CSNK2A2IP: variants seen among roughly 807,000 people sequenced by gnomAD.
The protein encoded by CSNK2A2IP is casein kinase 2 subunit alpha' interacting protein, also known as casein kinase II subunit alpha'-interacting protein.
At chr3:88,427,717 G>C in the CSNK2A2IP span, among the ~76,000 whole-genome samples, 1 of 152,160 alleles carries the variant, frequency 6.6e-6, no homozygotes, top group Non-Finnish European at 1.5e-5. Flanking sequence ...TGGGTGCATG[G>C]AAGTCAAGAA....
the CSNK2A2IP span, among the ~76,000 whole-genome samples, chr3:88,357,864 C>A: frequency 1.6e-4 from 24 of 151,806 alleles, no homozygotes; most frequent in African/African-American, 5.8e-4. Context: ...AAGCGATCCT[C>A]CCACCTCAGC....
chr3:88,412,590 A>G, the CSNK2A2IP span, among the ~76,000 whole-genome samples: 1 of 152,084 alleles, frequency 6.6e-6, no homozygotes, highest in East Asian at 1.9e-4. Context: ...TAGTGGGAAT[A>G]GGAGCACAGT....
the CSNK2A2IP span, among the ~76,000 whole-genome samples, chr3:88,396,431 A>G: frequency 1.3e-5 from 2 of 152,182 alleles, no homozygotes; most frequent in African/African-American, 2.4e-5. Flanking sequence ...AAGGGATATA[A>G]TCAAGTAACT....
At chr3:88,416,010 C>T in the CSNK2A2IP span, among the ~76,000 whole-genome samples, 1 of 151,954 alleles carries the variant, frequency 6.6e-6, no homozygotes, top group Non-Finnish European at 1.5e-5. Flanking sequence ...GTGGCTCACA[C>T]CTGTAATCCC....
the CSNK2A2IP span, among the ~76,000 whole-genome samples, chr3:88,354,256 C>A: frequency 8.5e-5 from 13 of 152,280 alleles, no homozygotes; most frequent in African/African-American, 2.6e-4. Flanking sequence ...ACAAAATAGA[C>A]TAATACAATC....
chr3:88,442,253 TG>T, the CSNK2A2IP span, among the ~76,000 whole-genome samples: 1 of 152,168 alleles, frequency 6.6e-6, no homozygotes, highest in African/African-American at 2.4e-5. Flanking sequence ...TTGTTCAGGC[TG>T]GTCTCCAACT....
the CSNK2A2IP span, among the ~76,000 whole-genome samples, chr3:88,358,529 T>C: frequency 2.0e-5 from 1 of 50,026 alleles, no homozygotes; most frequent in Non-Finnish European, 7.3e-5. Flanking sequence ...TGTGAGCTGT[T>C]TTTTTTTTAA....
chr3:88,362,299 A>G, the CSNK2A2IP span, among the ~76,000 whole-genome samples: 7 of 152,290 alleles, frequency 4.6e-5, no homozygotes, highest in South Asian at 1.2e-3. Context: ...ACCCTTGCTC[A>G]CTGCAGCTTT....
chr3:88,391,481 A>C, the CSNK2A2IP span, among the ~76,000 whole-genome samples: 1 of 152,242 alleles, frequency 6.6e-6, no homozygotes, highest in Non-Finnish European at 1.5e-5. Context: ...GCAAACCTGC[A>C]AAGTGAAATA....
chr3:88,397,211 A>G, the CSNK2A2IP span, among the ~76,000 whole-genome samples: 6 of 152,182 alleles, frequency 3.9e-5, no homozygotes, highest in Non-Finnish European at 5.9e-5. Flanking sequence ...AGAAAGGGCC[A>G]CTCTCAATTC....
chr3:88,415,836 ATT>A, the CSNK2A2IP span, among the ~76,000 whole-genome samples: 1 of 151,998 alleles, frequency 6.6e-6, no homozygotes, highest in Non-Finnish European at 1.5e-5. Flanking sequence ...GAAGAGAATC[ATT>A]TTGGCAGTGT....
chr3:88,426,027 G>C, the CSNK2A2IP span, among the ~76,000 whole-genome samples: 2 of 152,132 alleles, frequency 1.3e-5, no homozygotes, highest in East Asian at 1.9e-4. Context: ...GAATATATCA[G>C]CTACAGTTTC....
chr3:88,444,866 A>C, the CSNK2A2IP span, among the ~76,000 whole-genome samples: 1 of 152,164 alleles, frequency 6.6e-6, no homozygotes, highest in African/African-American at 2.4e-5. Flanking sequence ...GGTTTTCTAT[A>C]AGGTTCTTCC....
the CSNK2A2IP span, among the ~76,000 whole-genome samples, chr3:88,449,866 T>TAG: frequency 5.8e-5 from 4 of 69,516 alleles, no homozygotes; most frequent in East Asian, 4.3e-4. Context: ...TATATATATA[T>TAG]ATATATATAG....
the CSNK2A2IP span, among the ~76,000 whole-genome samples, chr3:88,377,322 T>C: frequency 2.0e-5 from 3 of 151,850 alleles, no homozygotes; most frequent in African/African-American, 7.2e-5. Flanking sequence ...ACTTTGGTAT[T>C]TTCTTTTATC....
At chr3:88,423,215 T>C in the CSNK2A2IP span, among the ~76,000 whole-genome samples, 8 of 152,226 alleles carry the variant, frequency 5.3e-5, no homozygotes, top group African/African-American at 1.9e-4. Flanking sequence ...TCATTTATCA[T>C]TTTTTAAATT....
At chr3:88,455,693 T>C in the CSNK2A2IP span, among the ~76,000 whole-genome samples, 1 of 151,948 alleles carries the variant, frequency 6.6e-6, no homozygotes, top group African/African-American at 2.4e-5. Flanking sequence ...TATGCAAGAA[T>C]TTTTCAGTTT....
At chr3:88,427,675 G>A in the CSNK2A2IP span, among the ~76,000 whole-genome samples, 1 of 152,198 alleles carries the variant, frequency 6.6e-6, no homozygotes, top group Admixed American at 6.5e-5. Flanking sequence ...CAAGCCCCAA[G>A]CCTTGATGCC....
At chr3:88,351,661 A>G in the CSNK2A2IP span, among the ~76,000 whole-genome samples, 1 of 152,110 alleles carries the variant, frequency 6.6e-6, no homozygotes, top group Non-Finnish European at 1.5e-5. Context: ...GCCAAATATT[A>G]TGATCTATTA....
Sources: allele counts gnomAD v4.1 joint callset (sites outside exome capture counted in the v4.1 genomes callset), GRCh38; gene constraint gnomAD v4.1.1; transcripts MANE v1.5; gene names NCBI Gene and HGNC (gene_info 2026-07-23, HGNC 2026-07-21).